NRCAM: variants seen among roughly 807,000 people sequenced by gnomAD.
The protein encoded by NRCAM is NgCAM-related cell adhesion molecule.
Under a neutral mutation model 156.5 loss-of-function variants are expected in NRCAM, and 83 were observed. That is an observed-to-expected ratio of 0.53 (90% confidence interval 0.44 to 0.64). The LOEUF is 0.64. NRCAM is among the 30% of genes least tolerant of loss of function. The pLI, the probability that NRCAM is intolerant of heterozygous loss-of-function variation, is 0.00. For missense variants in NRCAM, 1,417 were observed against 1,597.3 expected (o/e 0.89, Z 1.92); for synonymous variants, 538 against 563.9 (o/e 0.95, Z 0.65).
chr7:108,314,414 T>G (rs2098853228), intron 2 of NRCAM, among the ~76,000 whole-genome samples: 1 of 152,180 alleles, frequency 6.6e-6, no homozygotes, highest in Non-Finnish European at 1.5e-5. Flanking sequence ...AATTTAATTT[T>G]TTAACCAAAA....
chr7:108,307,437 C>G (rs2098733428), intron 3 of NRCAM, among the ~76,000 whole-genome samples: 1 of 152,190 alleles, frequency 6.6e-6, no homozygotes, highest in South Asian at 2.1e-4. Context: ...GCTCCATGCA[C>G]CATATCCTAC....
intron 3 of NRCAM, among the ~76,000 whole-genome samples, chr7:108,296,873 T>C (rs1007108542): frequency 1.3e-5 from 2 of 152,342 alleles, no homozygotes; most frequent in African/African-American, 2.4e-5. Flanking sequence ...TCCGTTTCCC[T>C]ATACCATTAC....
At chr7:108,180,867 G>T (rs1000382927) in intron 24 of NRCAM, among the ~76,000 whole-genome samples, 5 of 152,164 alleles carry the variant, frequency 3.3e-5, no homozygotes, top group African/African-American at 7.2e-5. Context: ...ACCACAGTGA[G>T]GCTTTTATTA....
chr7:108,244,723 TC>T (rs2095793396), intron 3 of NRCAM, among the ~76,000 whole-genome samples: 1 of 152,276 alleles, frequency 6.6e-6, no homozygotes, highest in East Asian at 1.9e-4. Context: ...TCTAATTTCC[TC>T]CTAGTCCAAA....
At chr7:108,409,941 ATGAT>A (rs1449953216) in intron 1 of NRCAM, among the ~76,000 whole-genome samples, 15 of 152,166 alleles carry the variant, frequency 9.9e-5, no homozygotes, top group African/African-American at 3.6e-4. Context: ...TTGTATTTGA[ATGAT>A]TGATTTCCCA....
chr7:108,236,575 A>G (rs1415580347), intron 5 of NRCAM, among the ~76,000 whole-genome samples: 1 of 152,208 alleles, frequency 6.6e-6, no homozygotes, highest in Non-Finnish European at 1.5e-5. Flanking sequence ...CCTGAGAGGG[A>G]AAATAAAGTT....
intron 2 of NRCAM, among the ~76,000 whole-genome samples, chr7:108,346,232 C>T (rs530331826): frequency 1.3e-5 from 2 of 152,240 alleles, no homozygotes; most frequent in Admixed American, 6.5e-5. Flanking sequence ...CGTTATTTTA[C>T]GGATGACGAA....
chr7:108,288,556 C>T (rs1241304240), intron 3 of NRCAM, among the ~76,000 whole-genome samples: 1 of 152,062 alleles, frequency 6.6e-6, no homozygotes. Flanking sequence ...TAGCTCACTT[C>T]TCATCAATTC....
intron 30 of NRCAM, among the ~76,000 whole-genome samples, chr7:108,165,293 GCT>G (rs948929757): frequency 6.6e-6 from 1 of 152,118 alleles, no homozygotes; most frequent in Non-Finnish European, 1.5e-5. Context: ...TCTAATCCCA[GCT>G]CTGTCACGTT....
chr7:108,320,690 ATTG>A (rs1472763412), intron 2 of NRCAM, among the ~76,000 whole-genome samples: 1 of 152,354 alleles, frequency 6.6e-6, no homozygotes, highest in South Asian at 2.1e-4. Flanking sequence ...AACTTAACTA[ATTG>A]TTGTACAAAT....
chr7:108,309,447 G>A (rs1359132002), intron 3 of NRCAM, among the ~76,000 whole-genome samples: 1 of 152,080 alleles, frequency 6.6e-6, no homozygotes, highest in Non-Finnish European at 1.5e-5. Context: ...AGCTTCATGG[G>A]GCAAGTATTC....
rs1266849349 is a variant in NRCAM, at chr7:108,226,369, C to T, written c.560G>A (p.Arg187Lys). The T allele has an allele frequency of 1.9e-5, 30 of 1,611,586 alleles. No homozygotes were observed. The highest frequency in any genetic ancestry group is 2.4e-5 in the Non-Finnish European group (28 of 1,178,726). ...IIFWMDNSFQ[R>K]LPQSERVSQG... ...AGAAACTCTCTCACTTTGTGGAAGT[C>T]TTTGAAAGGCTGGAGAAAGGCAGAG... Residue 187 changes from arginine to lysine, a missense_variant, in exon 9 of 33, where the codon AGA becomes AAA. This residue lies in a region of NRCAM where 1,238 missense variants were observed against 1,336.4 expected (regional missense o/e 0.93). Transcript: ENST00000379028.
At chr7:108,234,517 T>C in intron 6 of NRCAM, 66 bp downstream of exon 6, 3 of 1,005,132 alleles carry the variant, frequency 3.0e-6, no homozygotes, top group Non-Finnish European at 4.7e-6. Flanking sequence ...CCCAAACATA[T>C]TTCTCTATTC....
At chr7:108,436,955 T>G (rs546378611) in intron 1 of NRCAM, among the ~76,000 whole-genome samples, 1 of 152,340 alleles carries the variant, frequency 6.6e-6, no homozygotes, top group East Asian at 1.9e-4. Flanking sequence ...ATTGAAGAGA[T>G]ATCCGCATTC....
intron 3 of NRCAM, among the ~76,000 whole-genome samples, chr7:108,246,536 T>A (rs939246649): frequency 2.6e-5 from 4 of 152,138 alleles, no homozygotes; most frequent in South Asian, 4.2e-4. Flanking sequence ...ATATGAGGCA[T>A]CCAGTGCAGA....
intron 13 of NRCAM, among the ~76,000 whole-genome samples, chr7:108,202,835 A>G (rs1036903079): frequency 6.6e-6 from 1 of 152,156 alleles, no homozygotes; most frequent in Non-Finnish European, 1.5e-5. Flanking sequence ...CTCATCCCTG[A>G]GAGGACAGGG....
chr7:108,149,893 G>T lies in NRCAM; in HGVS notation c.*17C>A. The T allele has an allele frequency of 1.3e-6, 2 of 1,590,288 alleles. No individual in the cohort carries two copies. The highest frequency in any genetic ancestry group is 8.6e-7 in the Non-Finnish European group (1 of 1,165,342). On this transcript the variant is annotated 3_prime_UTR_variant, in exon 33 of 33. Transcript: ENST00000379028. ...AAACATTCTAGAGAAATGGAATATT[G>T]GCAAAGAGCTTAAAAATTAAACAAA... is the stretch of plus-strand genomic sequence containing the variant.
intron 1 of NRCAM, among the ~76,000 whole-genome samples, chr7:108,419,482 T>C (rs1388094412): frequency 1.3e-5 from 2 of 152,244 alleles, no homozygotes; most frequent in African/African-American, 4.8e-5. Context: ...GCATGTTTCA[T>C]CAAATGTTGC....
At chr7:108,178,138 A>G in intron 25 of NRCAM, 26 bp from the exon 26 acceptor site, 1 of 1,605,016 alleles carries the variant, frequency 6.2e-7, no homozygotes, top group Non-Finnish European at 8.5e-7. Context: ...TACAGTCAAC[A>G]CAAAGATTTC....
Sources: gnomAD v4.1 joint callset for allele counts (sites outside exome capture counted in the v4.1 genomes callset) on GRCh38, gnomAD v4.1.1 for gene constraint, gnomAD v4.1.1 regional missense constraint, MANE v1.5 for transcripts, NCBI Gene and HGNC (gene_info 2026-07-23, HGNC 2026-07-21) for gene names.